Variants in SEMA3A observed in about 807,000 individuals in gnomAD.
SEMA3A encodes the protein semaphorin 3A.
A neutral mutation model predicts 97.9 loss-of-function variants in SEMA3A; 29 were observed. That is an observed-to-expected ratio of 0.30 (90% confidence interval 0.22 to 0.40). The LOEUF is 0.40. SEMA3A is among the 10% of genes least tolerant of loss of function. SEMA3A has a pLI of 1.00. For synonymous variants in SEMA3A, 321 were observed against 323.7 expected (o/e 0.99, Z 0.09); for missense variants, 763 against 951.3 (o/e 0.80, Z 2.60).
intron 1 of SEMA3A, among the ~76,000 whole-genome samples, chr7:84,148,651 A>G (rs966424172): frequency 1.3e-5 from 2 of 152,142 alleles, no homozygotes; most frequent in African/African-American, 2.4e-5. Flanking sequence ...TGATCCTTGA[A>G]CAACATGGGT....
At chr7:84,145,250 C>T (rs1274554093) in intron 1 of SEMA3A, among the ~76,000 whole-genome samples, 4 of 152,076 alleles carry the variant, frequency 2.6e-5, no homozygotes, top group Admixed American at 2.0e-4. Context: ...GTGCCCTGTA[C>T]ATACATAGAT....
chr7:83,999,288 G>C lies in SEMA3A; in HGVS notation c.1452+2667C>G, dbSNP rs144122031. 2.4e-3 allele frequency among the ~76,000 whole-genome samples: 359 copies of C among 152,108 alleles called. 6 individuals are homozygous for C. The East Asian group carries it at 0.052, about 22-fold the overall frequency. On this transcript the variant is annotated intron_variant, in intron 12 of 16. Coordinates refer to ENST00000265362, the MANE Select transcript of SEMA3A (RefSeq NM_006080.3). The stretch of plus-strand genomic sequence containing the variant: ...TCAGTTTAAATTGACATCTTTTTAA[G>C]TTAAAATCCTTATTAATGTACTAAA...
chr7:84,474,636 T>A (rs766593653), intron 1 of SEMA3A, among the ~76,000 whole-genome samples: 10 of 152,304 alleles, frequency 6.6e-5, no homozygotes, highest in Non-Finnish European at 1.3e-4. Flanking sequence ...GAGTTATTAC[T>A]ACCTGACAGT....
At chr7:84,336,545 T>C (rs1001833892) in intron 2 of SEMA3A, among the ~76,000 whole-genome samples, 4 of 152,128 alleles carry the variant, frequency 2.6e-5, no homozygotes, top group African/African-American at 9.7e-5. Context: ...AAAGCAAGAA[T>C]GAAAACATGA....
At chr7:84,332,227 T>G (rs1356656603) in intron 2 of SEMA3A, among the ~76,000 whole-genome samples, 1 of 152,004 alleles carries the variant, frequency 6.6e-6, no homozygotes. Context: ...ATATTACAAA[T>G]AAACCCAAAA....
chr7:84,319,287 A>G (rs1256747497), intron 2 of SEMA3A, among the ~76,000 whole-genome samples: 1 of 152,176 alleles, frequency 6.6e-6, no homozygotes, highest in Admixed American at 6.5e-5. Flanking sequence ...GGAAAGCTGG[A>G]AGAGTCAATA....
chr7:84,385,490 T>G (rs978646634), intron 1 of SEMA3A, among the ~76,000 whole-genome samples: 4 of 152,236 alleles, frequency 2.6e-5, no homozygotes, highest in African/African-American at 7.2e-5. Flanking sequence ...ATCGTTTCAT[T>G]GCTAGTACAA....
intron 1 of SEMA3A, among the ~76,000 whole-genome samples, chr7:84,477,071 A>T (rs891948071): frequency 1.3e-4 from 16 of 124,946 alleles, no homozygotes; most frequent in African/African-American, 3.8e-4. Flanking sequence ...TTAAAAAAAA[A>T]AAATATATAT....
chr7:84,050,235 T>C (rs975083268), intron 5 of SEMA3A, among the ~76,000 whole-genome samples: 13 of 152,166 alleles, frequency 8.5e-5, no homozygotes, highest in Non-Finnish European at 1.6e-4. Flanking sequence ...TGCCCAGTAA[T>C]GGGATGGCTG....
At chr7:84,063,588 C>A (rs1793347058) in intron 4 of SEMA3A, among the ~76,000 whole-genome samples, 1 of 150,944 alleles carries the variant, frequency 6.6e-6, no homozygotes, top group South Asian at 2.1e-4. Flanking sequence ...GCTGATGGAG[C>A]TGAAAACCAA....
At chr7:84,394,042 C>G (rs971059820) in intron 1 of SEMA3A, among the ~76,000 whole-genome samples, 2 of 152,066 alleles carry the variant, frequency 1.3e-5, no homozygotes, top group African/African-American at 2.4e-5. Flanking sequence ...AAGAAAAGAG[C>G]TGGCTGGTGT....
At chr7:84,016,836 A>G (rs1220275855) in intron 6 of SEMA3A, among the ~76,000 whole-genome samples, 2 of 152,200 alleles carry the variant, frequency 1.3e-5, no homozygotes, top group Non-Finnish European at 2.9e-5. Context: ...AGCCTCCATC[A>G]CATGGTAAGT....
At chr7:84,094,641 T>C (rs2115867341) in intron 4 of SEMA3A, among the ~76,000 whole-genome samples, 1 of 152,218 alleles carries the variant, frequency 6.6e-6, no homozygotes, top group South Asian at 2.1e-4. Flanking sequence ...GATAGTGGAA[T>C]CTATGTTTCT....
chr7:84,431,962 TA>T (rs1804991690), intron 1 of SEMA3A, among the ~76,000 whole-genome samples: 1 of 152,020 alleles, frequency 6.6e-6, no homozygotes. Context: ...GCAGGTTATA[TA>T]AAATGAAATA....
At chr7:84,181,978 C>T (rs767694703) in intron 1 of SEMA3A, among the ~76,000 whole-genome samples, 46 of 152,116 alleles carry the variant, frequency 3.0e-4, no homozygotes, top group Admixed American at 1.3e-3. Context: ...TCTATAAAAT[C>T]TGACTGTGGT....
chr7:84,063,736 A>C (rs1793354968), intron 4 of SEMA3A, among the ~76,000 whole-genome samples: 1 of 150,190 alleles, frequency 6.7e-6, no homozygotes, highest in Admixed American at 6.6e-5. Flanking sequence ...ATAAAAAGAA[A>C]TGAGCAAAGC....
intron 3 of SEMA3A, among the ~76,000 whole-genome samples, chr7:84,241,513 T>A (rs982018481): frequency 2.0e-5 from 3 of 152,210 alleles, no homozygotes; most frequent in African/African-American, 7.2e-5. Context: ...TAAGGCTTTG[T>A]CAGATGGATA....
chr7:84,341,855 C>G (rs1802179942), intron 2 of SEMA3A, among the ~76,000 whole-genome samples: 1 of 152,040 alleles, frequency 6.6e-6, no homozygotes, highest in Non-Finnish European at 1.5e-5. Flanking sequence ...CTGCTGACCA[C>G]CTTTTTTAAC....
chr7:84,374,202 T>C (rs1027392574), intron 1 of SEMA3A, among the ~76,000 whole-genome samples: 1 of 152,210 alleles, frequency 6.6e-6, no homozygotes, highest in Non-Finnish European at 1.5e-5. Flanking sequence ...AAAGACAGTA[T>C]GTATCAAAAA....
Sources: gnomAD v4.1 joint callset for allele counts (sites outside exome capture counted in the v4.1 genomes callset) on GRCh38, gnomAD v4.1.1 for gene constraint, MANE v1.5 for transcripts, NCBI Gene and HGNC (gene_info 2026-07-23, HGNC 2026-07-21) for gene names.